Variants in ATP8A2 observed in about 807,000 individuals in gnomAD.
The protein encoded by ATP8A2 is ATPase phospholipid transporting 8A2, also known as phospholipid-transporting ATPase IB.
ATP8A2 carries 100 observed loss-of-function variants against 165.6 expected under a neutral mutation model. That is an observed-to-expected ratio of 0.60 (90% CI 0.51 to 0.71). The LOEUF is 0.71. ATP8A2 is among the 30% of genes least tolerant of loss of function. The probability of loss-of-function intolerance (pLI) is 0.00; values close to 1 mark genes in which losing one functional copy is unlikely to be tolerated. For synonymous variants in ATP8A2, 543 were observed against 548.8 expected, an observed-to-expected ratio of 0.99 and a Z score of 0.15; for missense variants, 1,227 against 1,479.5, an observed-to-expected ratio of 0.83 and a Z score of 2.80.
intron 24 of ATP8A2, among the ~76,000 whole-genome samples, chr13:25,610,460 T>C (rs915160213): frequency 3.9e-5 from 6 of 152,220 alleles, no homozygotes; most frequent in African/African-American, 1.4e-4. Flanking sequence ...CTGTATTCTG[T>C]TTCATTGGTC....
chr13:25,511,002 CTT>C (rs556811759), intron 2 of ATP8A2, among the ~76,000 whole-genome samples: 10 of 152,282 alleles, frequency 6.6e-5, no homozygotes, highest in African/African-American at 1.7e-4. Flanking sequence ...ACTTTGAACT[CTT>C]TGTGTTTTTA....
intron 24 of ATP8A2, among the ~76,000 whole-genome samples, chr13:25,616,769 C>T (rs965814983): frequency 1.2e-4 from 18 of 152,256 alleles, no homozygotes; most frequent in African/African-American, 4.1e-4. Context: ...TTTTCTGAGT[C>T]ATGAGCACCA....
intron 36 of ATP8A2, among the ~76,000 whole-genome samples, chr13:26,013,120 T>C (rs1189905669): frequency 3.2e-5 from 4 of 125,560 alleles, no homozygotes; most frequent in African/African-American, 9.2e-5. Context: ...AAACATCCCC[T>C]CTCCACTGCC....
intron 2 of ATP8A2, among the ~76,000 whole-genome samples, chr13:25,474,314 C>A (rs1182201980): frequency 6.6e-6 from 1 of 152,210 alleles, no homozygotes; most frequent in Non-Finnish European, 1.5e-5. Flanking sequence ...ATAATCCCAG[C>A]ACTTTGGGAG....
chr13:25,520,933 A>G (rs917834906), intron 2 of ATP8A2, among the ~76,000 whole-genome samples: 48 of 152,020 alleles, frequency 3.2e-4, no homozygotes, highest in African/African-American at 1.1e-3. Context: ...TTTTTTGAGG[A>G]ACCTCCATGC....
chr13:25,466,479 C>A (rs1379704688), intron 1 of ATP8A2, among the ~76,000 whole-genome samples: 5 of 152,174 alleles, frequency 3.3e-5, no homozygotes, highest in Non-Finnish European at 7.3e-5. Context: ...TCCTTAGCAC[C>A]TTTGGGCCCA....
intron 33 of ATP8A2, among the ~76,000 whole-genome samples, chr13:25,899,034 G>A (rs535398193): frequency 7.2e-5 from 11 of 152,304 alleles, no homozygotes; most frequent in Admixed American, 5.9e-4. Context: ...TGCACCCACT[G>A]TCTTGCACCC....
intron 33 of ATP8A2, among the ~76,000 whole-genome samples, chr13:25,907,907 C>T (rs1953990261): frequency 6.6e-6 from 1 of 152,290 alleles, no homozygotes; most frequent in East Asian, 1.9e-4. Flanking sequence ...TGAAATGATA[C>T]AGCCAACTCT....
chr13:25,440,548 T>C (rs972616821), intron 1 of ATP8A2, among the ~76,000 whole-genome samples: 7 of 152,162 alleles, frequency 4.6e-5, no homozygotes, highest in Admixed American at 3.9e-4. Context: ...ACGTCACTGC[T>C]GCGTTGTCTT....
intron 26 of ATP8A2, among the ~76,000 whole-genome samples, chr13:25,770,820 G>A (rs2044603517): frequency 6.6e-6 from 1 of 152,112 alleles, no homozygotes; most frequent in African/African-American, 2.4e-5. Flanking sequence ...GTGTTTCTAC[G>A]GTGTTGAGGT....
In ATP8A2 at chr13:25,904,707, C is replaced by T. The variant is rs145408365; in HGVS notation, c.3183+42299C>T. Among the ~76,000 whole-genome samples, 500 of 152,256 alleles carry T rather than the reference C, an allele frequency of 3.3e-3. 4 individuals are homozygous for T. The highest frequency in any genetic ancestry group is 0.011 in the African/African-American group (472 of 41,534). On this transcript the variant is annotated intron_variant, in intron 33 of 36. Transcript: ENST00000381655. Reference sequence around the variant, plus strand: ...GCTCTCTCTTTTTCCTCACATCTCCCCCCGGTAATTAATGGTTGCTTATAT... The same window carrying T: ...GCTCTCTCTTTTTCCTCACATCTCCTCCCGGTAATTAATGGTTGCTTATAT...
At chr13:26,000,128 G>C (rs977329729) in intron 35 of ATP8A2, among the ~76,000 whole-genome samples, 1 of 152,186 alleles carries the variant, frequency 6.6e-6, no homozygotes, top group African/African-American at 2.4e-5. Flanking sequence ...TTAACAGCCT[G>C]GTGGATTGGT....
chr13:25,534,163 T>C (rs933179742), intron 6 of ATP8A2: 1 of 532,196 alleles, frequency 1.9e-6, no homozygotes, highest in Non-Finnish European at 3.9e-6. Context: ...GTTTTCGTTT[T>C]ACTTTACTTT....
At chr13:25,465,665 TTCTTTCTTTCTTTCTTTCTTTCTTTC>T (rs2035616895) in intron 1 of ATP8A2, among the ~76,000 whole-genome samples, 3 of 4,520 alleles carry the variant, frequency 6.6e-4, no homozygotes, top group African/African-American at 1.8e-3. Context: ...TTGCAGAGTT[TTCTTTCTTTCTTTCTTTCTTTCTTTC>T]TTTCTTTCTT....
At chr13:26,019,239 C>T (rs1290935146) in intron 36 of ATP8A2, among the ~76,000 whole-genome samples, 1 of 150,586 alleles carries the variant, frequency 6.6e-6, no homozygotes, top group Non-Finnish European at 1.5e-5. Context: ...ACTAAAAATA[C>T]AAAAAAAAAT....
chr13:25,674,299 G>C (rs979404925), intron 24 of ATP8A2, among the ~76,000 whole-genome samples: 1 of 151,136 alleles, frequency 6.6e-6, no homozygotes, highest in African/African-American at 2.4e-5. Context: ...AAGGACCTTT[G>C]GCTCTTTTAG....
chr13:25,531,289 G>GATATATATGTTATATATGAT (rs1566229415), intron 4 of ATP8A2, among the ~76,000 whole-genome samples: 5 of 62,550 alleles, frequency 8.0e-5, no homozygotes, highest in African/African-American at 2.9e-4. Flanking sequence ...TGTTATATAT[G>GATATATATGTTATATATGAT]ATATATATGT....
chr13:25,596,298 C>A (rs899166682), intron 24 of ATP8A2, among the ~76,000 whole-genome samples: 4 of 152,126 alleles, frequency 2.6e-5, no homozygotes, highest in African/African-American at 9.7e-5. Context: ...TAAATCAGCT[C>A]TATTGAGATA....
intron 24 of ATP8A2, among the ~76,000 whole-genome samples, chr13:25,615,951 G>T (rs1030972142): frequency 3.3e-5 from 5 of 152,014 alleles, no homozygotes; most frequent in African/African-American, 1.2e-4. Flanking sequence ...GGATTCTCTC[G>T]ACTCTCCTGG....
Sources: gnomAD v4.1 joint callset for allele counts (sites outside exome capture counted in the v4.1 genomes callset) on GRCh38, gnomAD v4.1.1 for gene constraint, MANE v1.5 for transcripts, NCBI Gene and HGNC (gene_info 2026-07-23, HGNC 2026-07-21) for gene names.